Variants in ANKRD30B observed in about 807,000 individuals in gnomAD.
ANKRD30B encodes ankyrin repeat domain 30B.
In ANKRD30B, 144 loss-of-function variants were observed where a neutral mutation model predicts 202.2. The ratio of observed to expected loss-of-function variants is 0.71; its 90% CI spans 0.62 to 0.82. The LOEUF is 0.82. ANKRD30B is among the 40% of genes least tolerant of loss of function. The pLI is 0.00. For missense variants in ANKRD30B, 1,487 were observed against 1,669.1 expected (o/e 0.89, Z 1.90); for synonymous variants, 508 against 561.3 (o/e 0.91, Z 1.34).
chr18:14,891,493 T>C, the ANKRD30B span, among the ~76,000 whole-genome samples: 1 of 146,044 alleles, frequency 6.8e-6, no homozygotes, highest in Admixed American at 7.0e-5. Flanking sequence ...TCTTTTTATA[T>C]ATTTATTAAG....
intron 30 of ANKRD30B, among the ~76,000 whole-genome samples, chr18:14,815,486 A>G (rs1408918975): frequency 1.3e-5 from 2 of 152,132 alleles, no homozygotes; most frequent in East Asian, 1.9e-4. Flanking sequence ...GAGGCCTTTC[A>G]TGGGAAAAAT....
At chr18:14,883,191 T>A in the ANKRD30B span, among the ~76,000 whole-genome samples, 1 of 151,900 alleles carries the variant, frequency 6.6e-6, no homozygotes, top group Admixed American at 6.6e-5. Flanking sequence ...TTTGTTGTTG[T>A]TTGCATTTAC....
At chr18:14,808,225 A>C (rs955984348) in intron 24 of ANKRD30B, 13 of 342,530 alleles carry the variant, frequency 3.8e-5, no homozygotes, top group African/African-American at 2.0e-4. Context: ...TGGTCATCTT[A>C]ATAAATTCAA....
chr18:14,795,358 G>A (rs1285329617), intron 16 of ANKRD30B, among the ~76,000 whole-genome samples: 2 of 152,260 alleles, frequency 1.3e-5, no homozygotes, highest in East Asian at 3.9e-4. Flanking sequence ...CACCATACCT[G>A]GATGATTTTT....
the ANKRD30B span, among the ~76,000 whole-genome samples, chr18:14,901,168 T>C: frequency 6.6e-6 from 1 of 152,216 alleles, no homozygotes; most frequent in African/African-American, 2.4e-5. Flanking sequence ...TCCTTGTCAA[T>C]TGTGTCTTTA....
intron 16 of ANKRD30B, among the ~76,000 whole-genome samples, chr18:14,795,349 A>G (rs1242973523): frequency 6.6e-6 from 1 of 152,178 alleles, no homozygotes; most frequent in Middle Eastern, 3.2e-3. Flanking sequence ...GGCATGTGCC[A>G]CCATACCTGG....
chr18:14,783,374 T>C (rs1381020489), intron 12 of ANKRD30B, among the ~76,000 whole-genome samples: 1 of 152,150 alleles, frequency 6.6e-6, no homozygotes, highest in Admixed American at 6.5e-5. Flanking sequence ...AGAGGAGTGC[T>C]CATTAGGTTT....
the ANKRD30B span, among the ~76,000 whole-genome samples, chr18:14,873,943 G>T: frequency 6.6e-6 from 1 of 152,114 alleles, no homozygotes; most frequent in Non-Finnish European, 1.5e-5. Flanking sequence ...GTTTTCTCCT[G>T]GGGAAACACC....
chr18:14,914,065 G>A, the ANKRD30B span, among the ~76,000 whole-genome samples: 4 of 152,144 alleles, frequency 2.6e-5, no homozygotes, highest in African/African-American at 4.8e-5. Flanking sequence ...TAGTACCAGA[G>A]ACCATCCTCA....
chr18:14,754,923 G>T lies in ANKRD30B; in HGVS notation c.535G>T (p.Ala179Ser). ...GGCTAGCCTCACACCCCTTTTACTG[G>T]CCATACAGAAAAGAAGCAAGCAAAC... ...NKASLTPLLL[A>S]IQKRSKQTVE... is the part of the protein sequence containing the mutation. Residue 179 changes from alanine (A) to serine (S), a missense_variant, in exon 4 of 44, where the codon GCC becomes TCC. Physicochemically the swap from Ala to Ser is moderately conservative, Grantham distance 99. This residue lies in a region of ANKRD30B where 889 missense variants were observed against 841.4 expected (regional missense o/e 1.06). Transcript: ENST00000690538. 1 of 1,548,490 alleles carries T rather than the reference G, an allele frequency of 6.5e-7. No individual in the cohort carries two copies.
rs762792279 is a variant in ANKRD30B, at chr18:14,826,693, T to TCTCTCACACACACACA, written c.2744-1584_2744-1583insTCTCACACACACACAC. Reference sequence around the variant, plus strand: ...CTCTCTCCCCCTCTCTCTCTCTCTCTCACACACACACACACACACACACAC... The same window carrying TCTCTCACACACACACA: ...CTCTCTCCCCCTCTCTCTCTCTCTCTCTCTCACACACACACACACACACACACACACACACACACAC... On this transcript the variant is annotated intron_variant, in intron 32 of 43. Transcript: ENST00000690538. Among the ~76,000 whole-genome samples, 72 of 125,026 alleles carry TCTCTCACACACACACA rather than the reference T, an allele frequency of 5.8e-4. 2 individuals carry two copies. Among genetic ancestry groups the TCTCTCACACACACACA allele is most frequent in the East Asian group, 2.3e-3 (9 of 3,910 alleles). The allele number at this position is 125,026 out of a possible 152,430, so 82.0% of individuals were successfully genotyped here. A position where few individuals can be genotyped will look rare whatever the true frequency, so the allele number is the denominator to read the frequency against.
At chr18:14,817,928 C>T (rs1970202506) in intron 30 of ANKRD30B, among the ~76,000 whole-genome samples, 1 of 152,082 alleles carries the variant, frequency 6.6e-6, no homozygotes, top group African/African-American at 2.4e-5. Context: ...AATGCTTGGA[C>T]ATAAATTTTT....
At chr18:14,921,810 G>A in the ANKRD30B span, among the ~76,000 whole-genome samples, 1 of 152,046 alleles carries the variant, frequency 6.6e-6, no homozygotes, top group Non-Finnish European at 1.5e-5. Context: ...CTCACCACGT[G>A]GCCTTAGGCA....
At chr18:14,870,737 G>GT in the ANKRD30B span, among the ~76,000 whole-genome samples, 3 of 152,058 alleles carry the variant, frequency 2.0e-5, no homozygotes, top group Non-Finnish European at 4.4e-5. Flanking sequence ...GAAGCACCAT[G>GT]TGCCTTGAAA....
At chr18:14,934,605 T>A in the ANKRD30B span, among the ~76,000 whole-genome samples, 1 of 152,002 alleles carries the variant, frequency 6.6e-6, no homozygotes, top group Non-Finnish European at 1.5e-5. Context: ...TGGGATGAAA[T>A]GCACTGGAGA....
At chr18:14,777,542 C>G (rs185918982) in intron 9 of ANKRD30B, among the ~76,000 whole-genome samples, 1 of 151,982 alleles carries the variant, frequency 6.6e-6, no homozygotes, top group Admixed American at 6.6e-5. Flanking sequence ...GTGATCCCCC[C>G]ACCTTGGCCT....
At chr18:14,772,111 A>G in intron 8 of ANKRD30B, 45 bp from the exon 9 acceptor site, 1 of 1,254,898 alleles carries the variant, frequency 8.0e-7, no homozygotes, top group Non-Finnish European at 1.1e-6. Context: ...TTTCTTTTTA[A>G]ATATATGAAT....
chr18:14,926,861 A>G, the ANKRD30B span, among the ~76,000 whole-genome samples: 1 of 152,028 alleles, frequency 6.6e-6, no homozygotes, highest in Admixed American at 6.5e-5. Flanking sequence ...CAGGAGTTGG[A>G]GGCTGGAATG....
chr18:14,852,635 A>G, intron 42 of ANKRD30B: 1 of 491,008 alleles, frequency 2.0e-6, no homozygotes, highest in Non-Finnish European at 3.1e-6. Context: ...TGAAATTATA[A>G]GAGTTTAAGT....
Sources: gnomAD v4.1 joint callset for allele counts (sites outside exome capture counted in the v4.1 genomes callset) on GRCh38, gnomAD v4.1.1 for gene constraint, gnomAD v4.1.1 regional missense constraint, MANE v1.5 for transcripts, NCBI Gene and HGNC (gene_info 2026-07-23, HGNC 2026-07-21) for gene names.